BICC1: variants seen among roughly 807,000 people sequenced by gnomAD.
BICC1 encodes the protein protein bicaudal C homolog 1.
A neutral mutation model predicts 111.0 loss-of-function variants in BICC1; 43 were observed. The ratio of observed to expected loss-of-function variants is 0.39; its 90% confidence interval spans 0.30 to 0.50. The LOEUF is 0.50. Ranked by LOEUF, BICC1 falls within the 20% of genes least tolerant of loss-of-function variation. The pLI, the probability that BICC1 is intolerant of heterozygous loss-of-function variation, is 0.88. For synonymous variants in BICC1, 467 were observed against 434.4 expected, an observed-to-expected ratio of 1.07 and a Z score of -0.93; for missense variants, 1,091 against 1,203.2, an observed-to-expected ratio of 0.91 and a Z score of 1.38.
chr10:58,673,472 G>C (rs899148020), intron 2 of BICC1, among the ~76,000 whole-genome samples: 7 of 152,298 alleles, frequency 4.6e-5, no homozygotes, highest in Admixed American at 1.3e-4. Flanking sequence ...GCTTTAGCCT[G>C]TAAGACAGGT....
intron 1 of BICC1, among the ~76,000 whole-genome samples, chr10:58,527,578 C>A (rs1319871390): frequency 6.6e-6 from 1 of 152,068 alleles, no homozygotes; most frequent in Non-Finnish European, 1.5e-5. Context: ...AGTCTTTAAT[C>A]CATCTTGAGT....
intron 2 of BICC1, among the ~76,000 whole-genome samples, chr10:58,662,465 C>T (rs1838873286): frequency 6.6e-6 from 1 of 152,082 alleles, no homozygotes; most frequent in Non-Finnish European, 1.5e-5. Context: ...GAATGTGAAA[C>T]CAGAAGTCAG....
At chr10:58,767,154 T>C (rs1048092542) in intron 3 of BICC1, among the ~76,000 whole-genome samples, 2 of 152,088 alleles carry the variant, frequency 1.3e-5, no homozygotes, top group African/African-American at 4.8e-5. Flanking sequence ...CTGATGCACA[T>C]TCCTTGGGTC....
At chr10:58,589,948 T>C (rs1238818349) in intron 1 of BICC1, among the ~76,000 whole-genome samples, 1 of 152,110 alleles carries the variant, frequency 6.6e-6, no homozygotes, top group Non-Finnish European at 1.5e-5. Flanking sequence ...TAGGACCATA[T>C]ATGCACACCC....
At chr10:58,749,160 T>C (rs1040011266) in intron 3 of BICC1, among the ~76,000 whole-genome samples, 5 of 152,134 alleles carry the variant, frequency 3.3e-5, no homozygotes, top group Admixed American at 3.3e-4. Flanking sequence ...GGGCAGAGAC[T>C]ATTGTTCATG....
intron 2 of BICC1, among the ~76,000 whole-genome samples, chr10:58,634,723 T>A (rs1231553566): frequency 6.6e-6 from 1 of 152,160 alleles, no homozygotes; most frequent in East Asian, 1.9e-4. Flanking sequence ...GTGTATAATT[T>A]TCTCTCCCCA....
chr10:58,529,882 T>G (rs1294744151), intron 1 of BICC1, among the ~76,000 whole-genome samples: 2 of 151,904 alleles, frequency 1.3e-5, no homozygotes, highest in Non-Finnish European at 2.9e-5. Context: ...AAACTGGGCT[T>G]TAGCAACAAA....
Position 58,576,650 on chromosome 10 carries a change from G to A in BICC1, c.191-44205G>A, listed in dbSNP as rs958704666. Reference sequence around the variant, plus strand: ...GCCTCCCCTCCCAAAATACTTAAATGGTGTTATACATTGTTACAAAAGTGA... The same window carrying A: ...GCCTCCCCTCCCAAAATACTTAAATAGTGTTATACATTGTTACAAAAGTGA... On this transcript the variant is annotated intron_variant, in intron 1 of 20. Coordinates refer to ENST00000373886, the MANE Select transcript of BICC1 (RefSeq NM_001080512.3). 6.2e-4 allele frequency among the ~76,000 whole-genome samples: 94 copies of A among 152,000 alleles called. 2 individuals are homozygous for A. Among genetic ancestry groups the A allele is most frequent in the Non-Finnish European group, 1.3e-4 (9 of 68,014 alleles).
intron 15 of BICC1, 88 bp from the exon 16 acceptor site, chr10:58,806,495 AC>A: frequency 8.6e-7 from 1 of 1,161,712 alleles, no homozygotes; most frequent in African/African-American, 1.5e-5. Flanking sequence ...TTCATGGAAC[AC>A]AGTCAAAACC....
intron 3 of BICC1, among the ~76,000 whole-genome samples, chr10:58,747,456 A>C (rs1841866514): frequency 1.3e-5 from 2 of 152,156 alleles, no homozygotes; most frequent in Admixed American, 1.3e-4. Flanking sequence ...AGGGGTTTAT[A>C]CATTTTATTT....
At chr10:58,750,320 G>C (rs752034111) in intron 3 of BICC1, among the ~76,000 whole-genome samples, 1 of 152,028 alleles carries the variant, frequency 6.6e-6, no homozygotes, top group Non-Finnish European at 1.5e-5. Flanking sequence ...CCATAGACAA[G>C]CATTATTAAT....
chr10:58,556,554 T>C (rs993792832), intron 1 of BICC1, among the ~76,000 whole-genome samples: 1 of 152,122 alleles, frequency 6.6e-6, no homozygotes, highest in African/African-American at 2.4e-5. Flanking sequence ...ATTTGATTGA[T>C]AGAGCAGTTG....
chr10:58,523,926 A>G (rs556669480), intron 1 of BICC1, among the ~76,000 whole-genome samples: 1 of 151,966 alleles, frequency 6.6e-6, no homozygotes, highest in East Asian at 1.9e-4. Flanking sequence ...AAACAGCCAC[A>G]TCATGAGTGA....
At chr10:58,715,845 A>G (rs1840723199) in intron 3 of BICC1, 3 of 1,264,144 alleles carry the variant, frequency 2.4e-6, no homozygotes, top group Admixed American at 2.0e-5. Context: ...AGAAAAAAGA[A>G]AAGAAGAAAT....
At chr10:58,796,106 C>T (rs1187190268) in intron 9 of BICC1, among the ~76,000 whole-genome samples, 1 of 152,150 alleles carries the variant, frequency 6.6e-6, no homozygotes, top group Admixed American at 6.5e-5. Context: ...ACTATCACAG[C>T]TCCTGGAACC....
chr10:58,803,953 T>G (rs996031412), intron 15 of BICC1, among the ~76,000 whole-genome samples: 1 of 152,158 alleles, frequency 6.6e-6, no homozygotes, highest in African/African-American at 2.4e-5. Flanking sequence ...CAGACCAGAA[T>G]TGCTGAGTAG....
At chr10:58,704,206 C>G (rs1840323762) in intron 3 of BICC1, among the ~76,000 whole-genome samples, 1 of 152,204 alleles carries the variant, frequency 6.6e-6, no homozygotes, top group Non-Finnish European at 1.5e-5. Context: ...ACCTTTGGAA[C>G]TATGCCTAAG....
chr10:58,570,158 A>G (rs1843902299), intron 1 of BICC1, among the ~76,000 whole-genome samples: 1 of 152,218 alleles, frequency 6.6e-6, no homozygotes, highest in Non-Finnish European at 1.5e-5. Flanking sequence ...AGCAGTACAT[A>G]AGCAAACATT....
At chr10:58,526,393 T>C (rs1050187482) in intron 1 of BICC1, among the ~76,000 whole-genome samples, 9 of 152,012 alleles carry the variant, frequency 5.9e-5, no homozygotes, top group African/African-American at 2.2e-4. Flanking sequence ...GTTTCTTTCT[T>C]TTTTTCTTAA....
Sources: allele counts gnomAD v4.1 joint callset (sites outside exome capture counted in the v4.1 genomes callset), GRCh38; gene constraint gnomAD v4.1.1; transcripts MANE v1.5; gene names NCBI Gene and HGNC (gene_info 2026-07-23, HGNC 2026-07-21).